Variants in PRMT7 observed in about 807,000 individuals in gnomAD.
The protein encoded by PRMT7 is protein arginine N-methyltransferase 7.
In PRMT7, 75 loss-of-function variants were observed where a neutral mutation model predicts 85.4. The ratio of observed to expected loss-of-function variants is 0.88; its 90% confidence interval spans 0.73 to 1.06. The LOEUF (loss-of-function observed/expected upper bound fraction) is 1.06, where lower values mean the gene tolerates loss of function less well. Ranked by LOEUF, PRMT7 falls within the 50% of genes least tolerant of loss-of-function variation. The pLI, the probability that PRMT7 is intolerant of heterozygous loss-of-function variation, is 0.00. For synonymous variants in PRMT7, 397 were observed against 359.5 expected (o/e 1.10, Z -1.18); for missense variants, 868 against 915.2 (o/e 0.95, Z 0.67).
chr16:68,317,321 G>C (rs1378921823), intron 3 of PRMT7, among the ~76,000 whole-genome samples: 2 of 152,076 alleles, frequency 1.3e-5, no homozygotes, highest in South Asian at 2.1e-4. Context: ...TGAACTTGGG[G>C]TGGGAGGTAA....
At chr16:68,353,686 C>A in intron 16 of PRMT7, 120 bp downstream of exon 16, 2 of 901,954 alleles carry the variant, frequency 2.2e-6, no homozygotes, top group Non-Finnish European at 3.2e-6. Flanking sequence ...TCAGGTGCTG[C>A]CATTTTGTGT....
intron 13 of PRMT7, 122 bp from the exon 14 acceptor site, chr16:68,348,219 TG>T: frequency 1.3e-6 from 1 of 782,578 alleles, no homozygotes; most frequent in Non-Finnish European, 2.1e-6. Context: ...CAGATAAAAG[TG>T]GTGTTCCAGA....
Position 68,345,655 on chromosome 16 carries a change from G to T in PRMT7, c.928-20G>T. ...CTCATACTGCAGCTCGTTGACAGCT[G>T]ACTCTGTTCTCCGTTTCAGTGGCGG... On this transcript the variant is annotated intron_variant, in intron 9 of 18. Transcript: ENST00000441236. 1 of 1,612,894 alleles carries T rather than the reference G, an allele frequency of 6.2e-7. No homozygotes were observed. Among genetic ancestry groups the T allele is most frequent in the South Asian group, 1.1e-5 (1 of 90,906 alleles).
chr16:68,321,546 A>G, intron 4 of PRMT7, 84 bp downstream of exon 4: 1 of 1,265,844 alleles, frequency 7.9e-7, no homozygotes, highest in South Asian at 1.3e-5. Flanking sequence ...CCTGGGGGTC[A>G]TGATGTTAAA....
chr16:68,345,593 A>G lies in PRMT7; in HGVS notation c.928-82A>G, dbSNP rs943705573. The G allele has an allele frequency of 5.1e-6, 8 of 1,583,950 alleles. 1 individual carries two copies. Among genetic ancestry groups the G allele is most frequent in the Middle Eastern group, 2.1e-4 (1 of 4,662 alleles). On this transcript the variant is annotated intron_variant, in intron 9 of 18. Coordinates refer to ENST00000441236, the MANE Select transcript of PRMT7 (RefSeq NM_019023.5). ...CATTGTGGACGTCCTGAAAACTGGC[A>G]GTTCTCTGGCATTTGGCTCCTGGAT...
intron 12 of PRMT7, 148 bp from the exon 13 acceptor site, chr16:68,347,483 T>G (rs1597431599): frequency 9.9e-7 from 1 of 1,009,646 alleles, no homozygotes; most frequent in Non-Finnish European, 1.5e-6. Flanking sequence ...TCAGAGCTGG[T>G]GTTCAGGCTG....
intron 16 of PRMT7, among the ~76,000 whole-genome samples, chr16:68,353,782 G>T (rs1031796331): frequency 6.6e-6 from 1 of 152,198 alleles, no homozygotes; most frequent in African/African-American, 2.4e-5. Flanking sequence ...GGGCCTGCAC[G>T]TCCTGTCATT....
Position 68,339,849 on chromosome 16 carries a change from C to G in PRMT7, c.808C>G (p.Leu270Val), listed in dbSNP as rs1477123746. 6.2e-7 allele frequency: 1 copy of G among 1,614,216 alleles called. No homozygotes were observed. Among genetic ancestry groups the G allele is most frequent in the African/African-American group, 1.3e-5 (1 of 75,064 alleles). ...CTGCCATAGCAGGCGGTTTGAACCT[C>G]TGACATCTGGCCGAGCTCAGGTGGT... ...AACHSRRFEPLTSGRAQVVLS... is the reference protein window; with the variant it reads ...AACHSRRFEPVTSGRAQVVLS... Residue 270 changes from leucine to valine, a missense_variant, in exon 9 of 19, where the codon CTG becomes GTG. Coordinates refer to ENST00000441236, the MANE Select transcript of PRMT7 (RefSeq NM_019023.5).
chr16:68,352,425 G>T lies in PRMT7; in HGVS notation c.1575+16G>T. 1 of 1,575,348 alleles carries T rather than the reference G, an allele frequency of 6.3e-7. No homozygotes were observed. The highest frequency in any genetic ancestry group is 8.6e-7 in the Non-Finnish European group (1 of 1,162,644). ...GGAGTTCAGGGTAGGCCACCCAGGGGATGTTGGAGAAAAAAGCAGAGGAGG... is the reference window on the plus strand; with the variant it reads ...GGAGTTCAGGGTAGGCCACCCAGGGTATGTTGGAGAAAAAAGCAGAGGAGG... On this transcript the variant is annotated intron_variant, in intron 15 of 18. Coordinates refer to ENST00000441236, the MANE Select transcript of PRMT7 (RefSeq NM_019023.5).
intron 6 of PRMT7, 67 bp downstream of exon 6, chr16:68,329,241 C>A (rs1597247051): frequency 2.4e-6 from 3 of 1,233,766 alleles, no homozygotes; most frequent in East Asian, 4.9e-5. Flanking sequence ...AAGGGTTATT[C>A]CAGTTACCTG....
In PRMT7 at chr16:68,324,795, C is replaced by T. The variant is rs767551223; in HGVS notation, c.245C>T (p.Ala82Val). The T allele has an allele frequency of 3.1e-6, 5 of 1,614,132 alleles. No individual in the cohort carries two copies. The highest frequency in any genetic ancestry group is 2.2e-5 in the East Asian group (1 of 44,882). ...GTGTGLLSMM[A>V]VTAGADFCYA... ...GGCACGGGACTCTTGTCAATGATGG[C>T]GGTCACAGCAGGTGCCGACTTCTGC... Residue 82 changes from alanine to valine, a missense_variant, in exon 5 of 19, where the codon GCG becomes GTG. Transcript: ENST00000441236.
intron 9 of PRMT7, among the ~76,000 whole-genome samples, chr16:68,344,934 A>ACACACACACACACACACATACG (rs1555563417): frequency 7.6e-5 from 1 of 13,222 alleles, no homozygotes; most frequent in African/African-American, 8.3e-4. Flanking sequence ...CTGCATCTCT[A>ACACACACACACACACACATACG]CACACACACA....
chr16:68,328,200 G>A (rs1053032864), intron 5 of PRMT7: 9 of 262,316 alleles, frequency 3.4e-5, no homozygotes, highest in South Asian at 1.8e-4. Flanking sequence ...TAAAATTTCC[G>A]CTCTCATGCA....
At chr16:68,319,914 G>T (rs555315877) in intron 3 of PRMT7, among the ~76,000 whole-genome samples, 3 of 152,274 alleles carry the variant, frequency 2.0e-5, no homozygotes, top group Non-Finnish European at 2.9e-5. Context: ...GGTTTTCAGT[G>T]TGTGAATTAC....
intron 17 of PRMT7, among the ~76,000 whole-genome samples, 175 bp from the exon 18 acceptor site, chr16:68,356,526 C>G (rs2088529787): frequency 6.6e-6 from 1 of 152,236 alleles, no homozygotes; most frequent in African/African-American, 2.4e-5. Context: ...GGCTGCGGCT[C>G]TTCTGGCTGG....
chr16:68,349,005 C>T (rs1369508647), intron 14 of PRMT7, among the ~76,000 whole-genome samples: 2 of 152,240 alleles, frequency 1.3e-5, no homozygotes, highest in South Asian at 2.1e-4. Flanking sequence ...TCTTGGGGTT[C>T]CTAGGAGCAG....
intron 3 of PRMT7, among the ~76,000 whole-genome samples, chr16:68,317,274 A>G (rs897497514): frequency 2.2e-4 from 34 of 151,806 alleles, no homozygotes; most frequent in Non-Finnish European, 2.1e-4. Context: ...ACAGTGAGAT[A>G]AAGGCACAAG....
At position 68,352,357 on chromosome 16, in the gene PRMT7, C is replaced by T. The variant is rs139519175; in HGVS notation, c.1523C>T (p.Ala508Val). The T allele has an allele frequency of 5.0e-6, 8 of 1,610,918 alleles. No individual in the cohort carries two copies. The African/African-American group carries it at 1.1e-4, about 22-fold the overall frequency. Residue 508 changes from alanine to valine, a missense_variant, in exon 15 of 19, where the codon GCC becomes GTC. Coordinates refer to ENST00000441236, the MANE Select transcript of PRMT7 (RefSeq NM_019023.5). ...GTGGACCAGCACCTGGGGCCAGGTG[C>T]CATGGTGATGCCCCAGGCAGCCTCG... ...TAVDQHLGPG[A>V]MVMPQAASLH...
intron 17 of PRMT7, 70 bp from the exon 18 acceptor site, chr16:68,356,631 C>A: frequency 1.6e-6 from 2 of 1,222,156 alleles, no homozygotes; most frequent in South Asian, 1.3e-5. Context: ...TGGAAAGCCG[C>A]AGGAGCTGCA....
Sources: allele counts gnomAD v4.1 joint callset (sites outside exome capture counted in the v4.1 genomes callset), GRCh38; gene constraint gnomAD v4.1.1; transcripts MANE v1.5; gene names NCBI Gene and HGNC (gene_info 2026-07-23, HGNC 2026-07-21).